Variants in EPS8L2 observed in about 807,000 individuals in gnomAD.
The protein encoded by EPS8L2 is epidermal growth factor receptor kinase substrate 8-like protein 2.
EPS8L2 carries 81 observed loss-of-function variants against 99.4 expected under a neutral mutation model. That is an observed-to-expected ratio of 0.82 (90% CI 0.68 to 0.98). The LOEUF is 0.98. EPS8L2 is among the 50% of genes least tolerant of loss of function. The pLI is 0.00. For missense variants in EPS8L2, 1,155 were observed against 968.8 expected (o/e 1.19, Z -2.55); for synonymous variants, 509 against 407.3 (o/e 1.25, Z -3.01).
chr11:709,479 C>A (rs1401314738), intron 2 of EPS8L2, 28 bp downstream of exon 2: 37 of 1,466,034 alleles, frequency 2.5e-5, no homozygotes, highest in Non-Finnish European at 3.5e-5. Flanking sequence ...TCCCGAATAC[C>A]CCACCCTCAC....
chr11:723,291 C>T lies in EPS8L2; in HGVS notation c.1392C>T (p.Pro464=), dbSNP rs775637552. 18 of 1,605,852 alleles carry T rather than the reference C, an allele frequency of 1.1e-5. No individual in the cohort carries two copies. Among genetic ancestry groups the T allele is most frequent in the African/African-American group, 1.3e-5 (1 of 74,296 alleles). Residue 464 remains proline (P), a synonymous_variant, in exon 15 of 21, where the codon CCC becomes CCT. Transcript: ENST00000318562. ...TAAGAAACTCCCAGAAGCACAGCCC[C>T]ACTTCAGAGCCCACCCCCCCGGGGG... ...QSIRNSQKHS[P]TSEPTPPGDA...
chr11:718,983 T>G (rs1461572588), intron 4 of EPS8L2, among the ~76,000 whole-genome samples: 1 of 149,238 alleles, frequency 6.7e-6, no homozygotes, highest in Non-Finnish European at 1.5e-5. Context: ...TTTTTTTTTT[T>G]GAGACAGAGT....
intron 16 of EPS8L2, 67 bp from the exon 17 acceptor site, chr11:725,661 G>T: frequency 7.8e-7 from 1 of 1,278,432 alleles, no homozygotes; most frequent in Non-Finnish European, 9.9e-7. Context: ...CTGTAAAGCG[G>T]CGCCAGCGGG....
intron 4 of EPS8L2, among the ~76,000 whole-genome samples, chr11:719,786 C>T (rs1340845219): frequency 6.6e-6 from 1 of 152,150 alleles, no homozygotes; most frequent in East Asian, 1.9e-4. Context: ...GGGTACTGAG[C>T]CTGCACCAGG....
At position 722,490 on chromosome 11, in the gene EPS8L2, C is replaced by T. The variant is rs1862207836; in HGVS notation, c.1149C>T (p.His383=). ...SRDAVDFLRG[H]LVPKEMSLWE... is the part of the protein sequence containing the mutation. ...ATGCCGTGGACTTCCTGCGCGGCCACCTGGTCCCTAAGGAGATGTCGCTGT... is the reference window on the plus strand; with the variant it reads ...ATGCCGTGGACTTCCTGCGCGGCCATCTGGTCCCTAAGGAGATGTCGCTGT... The change falls in exon 13 of 21, where the codon CAC becomes CAT. Residue 383 remains histidine, a synonymous_variant. Transcript: ENST00000318562. 1 of 1,613,508 alleles carries T rather than the reference C, an allele frequency of 6.2e-7. No homozygotes were observed. The highest frequency in any genetic ancestry group is 8.5e-7 in the Non-Finnish European group (1 of 1,179,944).
chr11:710,598 G>A, intron 4 of EPS8L2, 112 bp downstream of exon 4: 3 of 1,094,150 alleles, frequency 2.7e-6, no homozygotes, highest in Non-Finnish European at 4.1e-6. Flanking sequence ...GCATGGTGGT[G>A]CCGGCCTGTA....
At chr11:708,043 C>T (rs777750038) in intron 1 of EPS8L2, among the ~76,000 whole-genome samples, 4 of 152,200 alleles carry the variant, frequency 2.6e-5, no homozygotes, top group Non-Finnish European at 4.4e-5. Flanking sequence ...CCTCCCAGAC[C>T]CTCCCACTAG....
Position 719,941 on chromosome 11 carries a change from G to A in EPS8L2, c.166-121G>A, listed in dbSNP as rs868136868. On this transcript the variant is annotated intron_variant, in intron 4 of 20. Coordinates refer to ENST00000318562, the MANE Select transcript of EPS8L2 (RefSeq NM_022772.4). ...CCCACCAAAGGCGGGGCCGGTCCCC[G>A]TTCTAGCCCCCTACCCAGGGTTGGC... The A allele has an allele frequency of 6.5e-5, 63 of 964,812 alleles. 2 individuals carry two copies. In the Middle Eastern group the frequency reaches 2.2e-3, roughly 34 times the overall value. 59.8% of individuals were successfully genotyped at this position (964,812 alleles called of 1,614,324 possible).
intron 4 of EPS8L2, among the ~76,000 whole-genome samples, chr11:715,673 T>A (rs997224552): frequency 6.8e-6 from 1 of 146,240 alleles, no homozygotes; most frequent in African/African-American, 2.6e-5. Context: ...CAGGCTGGAG[T>A]GCAGTGGCAC....
chr11:715,618 GTTTTTTTTT>G (rs929222502), intron 4 of EPS8L2, among the ~76,000 whole-genome samples: 1,353 of 120,054 alleles, frequency 0.011, 23 homozygotes, highest in African/African-American at 0.044. Flanking sequence ...TTTTTCTTTT[GTTTTTTTTT>G]TTTTTTTTTT....
chr11:718,988 CAG>C (rs1862087809), intron 4 of EPS8L2, among the ~76,000 whole-genome samples: 2 of 133,496 alleles, frequency 1.5e-5, no homozygotes, highest in African/African-American at 5.7e-5. Flanking sequence ...TTTTTTGAGA[CAG>C]AGTCTTCCTC....
intron 4 of EPS8L2, among the ~76,000 whole-genome samples, chr11:715,910 G>T (rs1032371841): frequency 2.0e-5 from 3 of 150,148 alleles, no homozygotes; most frequent in Non-Finnish European, 3.0e-5. Context: ...ATGAGCCACC[G>T]CGCCCGGCAT....
chr11:725,261 G>A (rs1165140574), intron 16 of EPS8L2, among the ~76,000 whole-genome samples: 8 of 152,342 alleles, frequency 5.3e-5, no homozygotes, highest in Non-Finnish European at 8.8e-5. Context: ...GCCTGTAACC[G>A]CAGCACTGGG....
At chr11:713,791 C>A (rs1205900304) in intron 4 of EPS8L2, among the ~76,000 whole-genome samples, 1 of 152,226 alleles carries the variant, frequency 6.6e-6, no homozygotes, top group Non-Finnish European at 1.5e-5. Context: ...ATTGATCCAC[C>A]CACCTCAGCC....
At position 726,745 on chromosome 11, in the gene EPS8L2, C is replaced by T. The variant is rs1590058618; in HGVS notation, c.2061C>T (p.Phe687=). Residue 687 remains phenylalanine (F), a synonymous_variant, in exon 20 of 21, where the codon TTC becomes TTT. Coordinates refer to ENST00000318562, the MANE Select transcript of EPS8L2 (RefSeq NM_022772.4). ...VYSQLTMQKA[F]LEKQQSGSEL... ...GCCAGCTCACCATGCAGAAGGCCTT[C>T]CTGGAGGTGAGCCCGCCTGCGCTCC... 2.5e-6 allele frequency: 4 copies of T among 1,591,748 alleles called. No homozygotes were observed. Among genetic ancestry groups the T allele is most frequent in the African/African-American group, 2.7e-5 (2 of 74,876 alleles).
At chr11:711,053 C>T (rs1318264285) in intron 4 of EPS8L2, among the ~76,000 whole-genome samples, 3 of 152,070 alleles carry the variant, frequency 2.0e-5, no homozygotes, top group African/African-American at 7.2e-5. Context: ...GGAACTGTAT[C>T]GGGAGGGAGC....
intron 18 of EPS8L2, 65 bp from the exon 19 acceptor site, chr11:726,239 G>T: frequency 2.6e-6 from 4 of 1,565,102 alleles, no homozygotes; most frequent in South Asian, 1.2e-5. Flanking sequence ...TGTGGGGGGG[G>T]TCCCTGGGCC....
rs556596849 is a variant in EPS8L2, at chr11:720,912, A to G, written c.557+3A>G. ...AAGATGCGGCCGCAGACCCTGAAGT[A>G]GGGCAGCGGGCGGAGCGGGGTCGCA... On this transcript the variant is annotated splice_donor_region_variant and intron_variant, in intron 7 of 20. Coordinates refer to ENST00000318562, the MANE Select transcript of EPS8L2 (RefSeq NM_022772.4). The G allele has an allele frequency of 2.2e-6, 3 of 1,344,294 alleles. No individual in the cohort carries two copies. The highest frequency in any genetic ancestry group is 1.6e-5 in the African/African-American group (1 of 63,262). 83.3% of individuals were successfully genotyped at this position (1,344,294 alleles called of 1,614,324 possible).
Position 723,373 on chromosome 11 carries a change from A to AG in EPS8L2, c.1454+23dup. 1 of 1,166,310 alleles carries AG rather than the reference A, an allele frequency of 8.6e-7. No homozygotes were observed. The highest frequency in any genetic ancestry group is 1.2e-6 in the Non-Finnish European group (1 of 820,964). 72.2% of individuals were successfully genotyped at this position (1,166,310 alleles called of 1,614,324 possible). On this transcript the variant is annotated intron_variant, in intron 15 of 20. Transcript: ENST00000318562. ...TCACAGGTAAGCCCCCCTCAAAGTG[A>AG]GGGAGCATGAAAGTGAAACCCTTCA...
Sources: allele counts gnomAD v4.1 joint callset (sites outside exome capture counted in the v4.1 genomes callset), GRCh38; gene constraint gnomAD v4.1.1; transcripts MANE v1.5; gene names NCBI Gene and HGNC (gene_info 2026-07-23, HGNC 2026-07-21).